Variants in PCDH15 observed in about 807,000 individuals in gnomAD.
The protein encoded by PCDH15 is protocadherin-15.
A neutral mutation model predicts 178.5 loss-of-function variants in PCDH15; 129 were observed. That is an observed-to-expected ratio of 0.72 (90% confidence interval 0.63 to 0.84). The LOEUF (loss-of-function observed/expected upper bound fraction) is 0.84, where lower values mean the gene tolerates loss of function less well. Among genes scored for constraint, PCDH15 ranks in the 40% least tolerant of loss-of-function variants. PCDH15 has a pLI of 0.00. For synonymous variants in PCDH15, 800 were observed against 732.0 expected (o/e 1.09, Z -1.50); for missense variants, 2,230 against 2,099.9 (o/e 1.06, Z -1.21).
Position 55,605,073 on chromosome 10 carries a change from G to A in PCDH15, c.-156+22552C>T, listed in dbSNP as rs558368338. Among the ~76,000 whole-genome samples, 592 of 151,394 alleles carry A rather than the reference G, an allele frequency of 3.9e-3. 4 individuals carry two copies. The highest frequency in any genetic ancestry group is 6.7e-3 in the Non-Finnish European group (450 of 67,620). On this transcript the variant is annotated intron_variant, in intron 2 of 5. Transcript: ENST00000613346. Reference sequence around the variant, plus strand: ...AAATGATAAAGGGGATATCACCACCGATCCCACAGAAATACAAACTACCAT... The same window carrying A: ...AAATGATAAAGGGGATATCACCACCAATCCCACAGAAATACAAACTACCAT...
chr10:55,374,846 G>A (rs976273317), intron 2 of PCDH15, among the ~76,000 whole-genome samples: 5 of 151,966 alleles, frequency 3.3e-5, no homozygotes, highest in Non-Finnish European at 2.9e-5. Context: ...AATATGATTT[G>A]AATAAACATA....
At chr10:54,280,187 A>G (rs1422395202) in intron 8 of PCDH15, among the ~76,000 whole-genome samples, 4 of 151,774 alleles carry the variant, frequency 2.6e-5, no homozygotes. Flanking sequence ...CCTGCTACCC[A>G]TTTCCTTTTA....
intron 2 of PCDH15, among the ~76,000 whole-genome samples, chr10:55,078,627 G>A (rs1408911829): frequency 6.6e-6 from 1 of 151,402 alleles, no homozygotes; most frequent in Non-Finnish European, 1.5e-5. Context: ...AATATAATTT[G>A]TATTCTTTTA....
At chr10:53,900,572 A>C (rs1278077752) in intron 26 of PCDH15, among the ~76,000 whole-genome samples, 1 of 152,146 alleles carries the variant, frequency 6.6e-6, no homozygotes, top group Non-Finnish European at 1.5e-5. Flanking sequence ...CTTTCGCCAG[A>C]ATCCCTTGGA....
intron 2 of PCDH15, among the ~76,000 whole-genome samples, chr10:54,643,924 C>T (rs1021896446): frequency 2.0e-4 from 29 of 147,766 alleles, no homozygotes; most frequent in African/African-American, 6.2e-4. Flanking sequence ...CCCATTAACT[C>T]GTCACTTAGC....
chr10:55,153,082 ATACTT>A (rs1198859556), intron 2 of PCDH15, among the ~76,000 whole-genome samples: 3 of 152,148 alleles, frequency 2.0e-5, no homozygotes, highest in African/African-American at 7.2e-5. Flanking sequence ...CATTATGTTA[ATACTT>A]TACTTTGAAA....
At position 53,903,286 on chromosome 10, in the gene PCDH15, A is replaced by G. The variant is rs1564729155; in HGVS notation, c.3458T>C (p.Val1153Ala). The G allele has an allele frequency of 1.2e-6, 2 of 1,613,186 alleles. No individual in the cohort carries two copies. The highest frequency in any genetic ancestry group is 8.5e-7 in the Non-Finnish European group (1 of 1,179,442). The change falls in exon 26 of 38, where the codon GTA becomes GCA. Residue 1153 changes from valine (V) to alanine (A), a missense_variant. By Grantham distance (64) the Val-to-Ala change is moderately conservative. Transcript: ENST00000644397. The stretch of plus-strand genomic sequence containing the variant: ...AGTAAACATTCTTGCATCTTCAGAT[A>G]CACCTCCGATGTAGAATTTTTTCTG... ...VFQKKFYIGG[V>A]SEDARMFTSV... is the part of the protein sequence containing the mutation.
At chr10:54,523,279 A>G (rs979735718) in intron 3 of PCDH15, among the ~76,000 whole-genome samples, 1 of 152,212 alleles carries the variant, frequency 6.6e-6, no homozygotes, top group Non-Finnish European at 1.5e-5. Flanking sequence ...ATTAGTATAT[A>G]TCTACATTTT....
At chr10:53,818,210 TA>T (rs1275636952) in intron 33 of PCDH15, 197 bp from the exon 34 acceptor site, 2 of 375,508 alleles carry the variant, frequency 5.3e-6, no homozygotes, top group Middle Eastern at 6.8e-4. Context: ...CCTGAATTAC[TA>T]AAATAATGAT....
At chr10:53,888,318 G>GTATATATCTGTATGTACATATATA (rs1238264864) in intron 26 of PCDH15, among the ~76,000 whole-genome samples, 1 of 91,824 alleles carries the variant, frequency 1.1e-5, no homozygotes, top group Non-Finnish European at 1.9e-5. Context: ...ATGTATATAT[G>GTATATATCTGTATGTACATATATA]TACGTATATA....
chr10:55,485,984 A>C (rs1035623691), intron 2 of PCDH15, among the ~76,000 whole-genome samples: 10 of 151,694 alleles, frequency 6.6e-5, no homozygotes, highest in African/African-American at 1.9e-4. Flanking sequence ...TCCCTGTCAA[A>C]AAACACTTTG....
rs935692597 is a variant in PCDH15, at chr10:55,550,151, G to C, written c.-156+77474C>G. On this transcript the variant is annotated intron_variant, in intron 2 of 5. Coordinates refer to the PCDH15 transcript ENST00000613346. ...ATGTCTGGTACTTATGACAGAATAG[G>C]GGGAGAGGAAAATTACTGCACAAAT... 8.6e-5 allele frequency among the ~76,000 whole-genome samples: 13 copies of C among 152,042 alleles called. No individual in the cohort carries two copies. In the East Asian group the frequency reaches 1.4e-3, roughly 16 times the overall value.
At chr10:54,134,748 G>A (rs146504416) in intron 14 of PCDH15, among the ~76,000 whole-genome samples, 50 of 145,422 alleles carry the variant, frequency 3.4e-4, no homozygotes, top group African/African-American at 1.1e-3. Context: ...GCAAGACTCC[G>A]TCTCAAAAAA....
chr10:54,129,142 T>C (rs934351565), intron 15 of PCDH15, among the ~76,000 whole-genome samples: 16 of 152,160 alleles, frequency 1.1e-4, no homozygotes, highest in African/African-American at 3.9e-4. Flanking sequence ...ACCTGTTTGT[T>C]AGGGTCAGGT....
intron 2 of PCDH15, among the ~76,000 whole-genome samples, chr10:55,577,734 T>C (rs769830005): frequency 6.6e-6 from 1 of 152,190 alleles, no homozygotes; most frequent in Admixed American, 6.6e-5. Context: ...TAATGTTAAA[T>C]TCACCTTGGT....
chr10:53,844,392 T>G (rs2077844353), intron 28 of PCDH15, among the ~76,000 whole-genome samples: 1 of 151,874 alleles, frequency 6.6e-6, no homozygotes, highest in African/African-American at 2.4e-5. Flanking sequence ...CACAACCCAA[T>G]CCATGACTAT....
chr10:55,030,511 T>C (rs1412012269), intron 2 of PCDH15, among the ~76,000 whole-genome samples: 2 of 152,148 alleles, frequency 1.3e-5, no homozygotes, highest in African/African-American at 4.8e-5. Context: ...ATCTGGACGC[T>C]GAGCTCAGAA....
chr10:55,144,759 G>A (rs1564835376), intron 2 of PCDH15, among the ~76,000 whole-genome samples: 1 of 152,036 alleles, frequency 6.6e-6, no homozygotes, highest in Non-Finnish European at 1.5e-5. Flanking sequence ...TAAACAAACA[G>A]GGTTATATAA....
rs1307274584 is a variant in PCDH15 at position 55,464,081 on chromosome 10, G to GA, written c.-156+163543dup. Among the ~76,000 whole-genome samples the GA allele has an allele frequency of 1.3e-3, 78 of 60,304 alleles. 3 individuals carry two copies. The highest frequency in any genetic ancestry group is 3.7e-3 in the African/African-American group (74 of 20,088). 39.6% of individuals were successfully genotyped at this position (60,304 alleles called of 152,430 possible). A position where few individuals can be genotyped will look rare whatever the true frequency, so the allele number is the denominator to read the frequency against. ...AGAAAGAAAAGGAAAGAAAGGGAAA[G>GA]AAGAAAAGAAAAGGAGTACTGACAC... On this transcript the variant is annotated intron_variant, in intron 2 of 5. Coordinates refer to the PCDH15 transcript ENST00000613346.
Sources: gnomAD v4.1 joint callset for allele counts (sites outside exome capture counted in the v4.1 genomes callset) on GRCh38, gnomAD v4.1.1 for gene constraint, MANE v1.5 for transcripts, NCBI Gene and HGNC (gene_info 2026-07-23, HGNC 2026-07-21) for gene names.